The following PRKCZ variants were observed in gnomAD, a reference collection of about 807,000 sequenced individuals.
PRKCZ encodes the protein protein kinase C zeta type.
A neutral mutation model predicts 79.5 loss-of-function variants in PRKCZ; 33 were observed. The observed-to-expected ratio is 0.41, with a 90% CI of 0.31 to 0.55. PRKCZ has a LOEUF of 0.55. Among genes scored for constraint, PRKCZ ranks in the 20% least tolerant of loss-of-function variants. PRKCZ has a pLI of 0.19. For missense variants in PRKCZ, 578 were observed against 813.5 expected (o/e 0.71, Z 3.52); for synonymous variants, 342 against 320.9 (o/e 1.07, Z -0.70).
At chr1:2,078,638 C>T (rs983721147) in intron 4 of PRKCZ, among the ~76,000 whole-genome samples, 2 of 152,190 alleles carry the variant, frequency 1.3e-5, no homozygotes, top group African/African-American at 2.4e-5. Context: ...GACTCCCCGT[C>T]TCTGACTCTC....
chr1:2,057,301 C>T (rs1473388262), intron 3 of PRKCZ, among the ~76,000 whole-genome samples: 1 of 152,210 alleles, frequency 6.6e-6, no homozygotes, highest in Non-Finnish European at 1.5e-5. Context: ...GTGGGCTCCT[C>T]CCCGGTACTG....
chr1:2,074,724 AGCGGGGC>A (rs1290925849), intron 4 of PRKCZ: 1 of 215,012 alleles, frequency 4.7e-6, no homozygotes, highest in Admixed American at 5.2e-5. Context: ...GGTGGCGAGG[AGCGGGGC>A]TGCGGCGTCC....
chr1:2,055,435 C>T lies in PRKCZ; in HGVS notation c.72-6C>T. On this transcript the variant is annotated splice_polypyrimidine_tract_variant and splice_region_variant and intron_variant, in intron 1 of 17. Transcript: ENST00000378567. ...GTAACAGATGCCCATGTCCCCTCTG[C>T]CCCAGGGACATCTTCATCACCAGCG... The T allele has an allele frequency of 1.2e-6, 2 of 1,609,904 alleles. No homozygotes were observed. Among genetic ancestry groups the T allele is most frequent in the Non-Finnish European group, 1.7e-6 (2 of 1,177,462 alleles).
intron 4 of PRKCZ, among the ~76,000 whole-genome samples, chr1:2,089,441 C>T (rs1295747062): frequency 6.6e-6 from 1 of 152,150 alleles, no homozygotes; most frequent in Admixed American, 6.6e-5. Context: ...CGAGGGGTGG[C>T]CTGTAAACAA....
At chr1:2,061,739 C>G (rs555971511) in intron 4 of PRKCZ, among the ~76,000 whole-genome samples, 1 of 152,278 alleles carries the variant, frequency 6.6e-6, no homozygotes, top group African/African-American at 2.4e-5. Flanking sequence ...GCGCTAGTGT[C>G]AGGAGTGTGT....
intron 4 of PRKCZ, among the ~76,000 whole-genome samples, chr1:2,069,693 C>T (rs1044288669): frequency 1.3e-5 from 2 of 152,290 alleles, no homozygotes; most frequent in East Asian, 1.9e-4. Flanking sequence ...GAGGGACCTC[C>T]CGACACCCTG....
At chr1:2,171,899 T>C (rs534376918) in intron 11 of PRKCZ, among the ~76,000 whole-genome samples, 156 bp from the exon 12 acceptor site, 1 of 152,326 alleles carries the variant, frequency 6.6e-6, no homozygotes, top group South Asian at 2.1e-4. Flanking sequence ...TTTCCCTCCC[T>C]GGCCCTGTGC....
intron 4 of PRKCZ, among the ~76,000 whole-genome samples, chr1:2,124,137 TGGTGGTTAGGGTCACGGC>T (rs1320500715): frequency 1.9e-5 from 1 of 53,014 alleles, no homozygotes; most frequent in Non-Finnish European, 3.3e-5. Context: ...AGGGTCACGG[TGGTGGTTAGGGTCACGGC>T]GGTGGTTAGG....
At chr1:2,077,298 A>G (rs1242794581) in intron 4 of PRKCZ, among the ~76,000 whole-genome samples, 1 of 152,156 alleles carries the variant, frequency 6.6e-6, no homozygotes, top group East Asian at 1.9e-4. Context: ...TTTCTTTTTG[A>G]ACGTCTCTTC....
At chr1:2,150,682 G>C in intron 8 of PRKCZ, 108 bp from the exon 9 acceptor site, 1 of 1,142,740 alleles carries the variant, frequency 8.8e-7, no homozygotes, top group Non-Finnish European at 1.2e-6. Context: ...ATGAGGCCCT[G>C]GGCTCTGAGG....
intron 4 of PRKCZ, among the ~76,000 whole-genome samples, chr1:2,102,686 C>T (rs772514500): frequency 1.1e-4 from 16 of 152,028 alleles, no homozygotes; most frequent in African/African-American, 2.2e-4. Context: ...CTAGAAACTT[C>T]GTGTATTTTT....
intron 4 of PRKCZ, among the ~76,000 whole-genome samples, chr1:2,115,931 C>T (rs900209419): frequency 6.6e-6 from 1 of 152,188 alleles, no homozygotes; most frequent in African/African-American, 2.4e-5. Context: ...ATTCAACAGC[C>T]AGCCACTGCT....
intron 4 of PRKCZ, among the ~76,000 whole-genome samples, chr1:2,090,940 C>G (rs1292250970): frequency 2.0e-5 from 3 of 152,222 alleles, no homozygotes; most frequent in African/African-American, 4.8e-5. Context: ...TTATTGAACA[C>G]ACGTCTTAAA....
chr1:2,146,452 C>T (rs1366909048), intron 7 of PRKCZ, among the ~76,000 whole-genome samples: 1 of 152,246 alleles, frequency 6.6e-6, no homozygotes, highest in Non-Finnish European at 1.5e-5. Context: ...GGCCGGGCAC[C>T]TCCCACAATC....
At chr1:2,088,042 C>T (rs1015249049) in intron 4 of PRKCZ, among the ~76,000 whole-genome samples, 4 of 152,218 alleles carry the variant, frequency 2.6e-5, no homozygotes, top group East Asian at 1.9e-4. Context: ...CAGAGCCCAT[C>T]CTGAATAGCG....
At chr1:2,089,355 A>G (rs1363526092) in intron 4 of PRKCZ, among the ~76,000 whole-genome samples, 1 of 152,082 alleles carries the variant, frequency 6.6e-6, no homozygotes. Flanking sequence ...GGGGACAGAG[A>G]CTTCCAGGAG....
chr1:2,148,791 GC>G, intron 7 of PRKCZ, 80 bp from the exon 8 acceptor site: 2 of 1,420,866 alleles, frequency 1.4e-6, no homozygotes, highest in Admixed American at 3.4e-5. Flanking sequence ...CTGCAGAGGA[GC>G]AAGGTCCACA....
chr1:2,104,858 T>C, intron 4 of PRKCZ: 1 of 985,358 alleles, frequency 1.0e-6, no homozygotes, highest in Non-Finnish European at 1.2e-6. Flanking sequence ...GACTGGTGAG[T>C]GTGTGCTGTC....
chr1:2,072,830 C>T, intron 4 of PRKCZ, among the ~76,000 whole-genome samples: 1 of 152,100 alleles, frequency 6.6e-6, no homozygotes, highest in East Asian at 1.9e-4. Context: ...AGCCAGAGGT[C>T]TGCAGGACAC....
Sources: gnomAD v4.1 joint callset for allele counts (sites outside exome capture counted in the v4.1 genomes callset) on GRCh38, gnomAD v4.1.1 for gene constraint, MANE v1.5 for transcripts, NCBI Gene and HGNC (gene_info 2026-07-23, HGNC 2026-07-21) for gene names.